SGK3: variants seen among roughly 807,000 people sequenced by gnomAD.
The protein encoded by SGK3 is serum/glucocorticoid regulated kinase family member 3, also known as serine/threonine-protein kinase Sgk3.
Under a neutral mutation model 68.5 loss-of-function variants are expected in SGK3, and 47 were observed. The observed-to-expected ratio is 0.69, with a 90% confidence interval of 0.54 to 0.87. SGK3 has a LOEUF of 0.87. Among genes scored for constraint, SGK3 ranks in the 40% least tolerant of loss-of-function variants. SGK3 has a pLI of 0.00. For missense variants in SGK3, 479 were observed against 575.5 expected (o/e 0.83, Z 1.72); for synonymous variants, 181 against 189.1 (o/e 0.96, Z 0.35).
chr8:66,836,610 G>GT (rs943277505), intron 10 of SGK3, among the ~76,000 whole-genome samples: 1 of 150,410 alleles, frequency 6.6e-6, no homozygotes, highest in Non-Finnish European at 1.5e-5. Flanking sequence ...TGCAGCCTGG[G>GT]TAACAGAACG....
Position 66,850,860 on chromosome 8 carries a change from A to C in SGK3, c.1260A>C (p.Glu420Asp). The change falls in exon 16 of 17, where the codon GAA becomes GAC. Residue 420 changes from glutamate to aspartate, a missense_variant. This residue lies in a region of SGK3 where 173 missense variants were observed against 214.3 expected (regional missense o/e 0.81). Coordinates refer to ENST00000521198, the MANE Select transcript of SGK3 (RefSeq NM_001033578.3). Reference sequence around the variant, plus strand: ...AAATTCAGAATCATCCTTTTTTTGAATCACTCAGCTGGGCTGACCTTGTAC... The same window carrying C: ...AAATTCAGAATCATCCTTTTTTTGACTCACTCAGCTGGGCTGACCTTGTAC... ...FLEIQNHPFF[E>D]SLSWADLVQK... 1 of 1,610,052 alleles carries C rather than the reference A, an allele frequency of 6.2e-7. No individual in the cohort carries two copies. Among genetic ancestry groups the C allele is most frequent in the Non-Finnish European group, 8.5e-7 (1 of 1,178,042 alleles).
At chr8:66,745,937 C>T (rs1805643176) in intron 1 of SGK3, among the ~76,000 whole-genome samples, 1 of 152,176 alleles carries the variant, frequency 6.6e-6, no homozygotes, top group Non-Finnish European at 1.5e-5. Context: ...AAAGAGCCCA[C>T]CTCCCAACAC....
At chr8:66,734,228 C>CTTTTTTTTTTTTTTTTTTTTTTATT (rs529741200) in intron 1 of SGK3, among the ~76,000 whole-genome samples, 1 of 104,234 alleles carries the variant, frequency 9.6e-6, no homozygotes. Flanking sequence ...CTTTTTCTTT[C>CTTTTTTTTTTTTTTTTTTTTTTATT]TTTTTTTTTT....
intron 16 of SGK3, among the ~76,000 whole-genome samples, chr8:66,858,364 G>C (rs1431477386): frequency 6.6e-6 from 1 of 152,002 alleles, no homozygotes; most frequent in Non-Finnish European, 1.5e-5. Context: ...TACTCGGGAG[G>C]CTGAGGCAGG....
intron 6 of SGK3, among the ~76,000 whole-genome samples, chr8:66,826,636 C>CTTTATTTTATTTTATTTTAT (rs567720764): frequency 0.017 from 2,610 of 151,858 alleles, 80 homozygotes; most frequent in African/African-American, 0.06. Flanking sequence ...TGAGAAACTT[C>CTTTATTTTATTTTATTTTAT]TTTATTTTAT....
At chr8:66,838,143 G>A (rs1334693223) in intron 10 of SGK3, among the ~76,000 whole-genome samples, 1 of 152,132 alleles carries the variant, frequency 6.6e-6, no homozygotes, top group Non-Finnish European at 1.5e-5. Flanking sequence ...TCAGCTCACT[G>A]CAACCTCCAA....
intron 1 of SGK3, among the ~76,000 whole-genome samples, chr8:66,762,581 CTTTTTA>C (rs1366464697): frequency 6.6e-6 from 1 of 151,974 alleles, no homozygotes; most frequent in Non-Finnish European, 1.5e-5. Flanking sequence ...TGATTTTTTT[CTTTTTA>C]TTTTTATGAT....
chr8:66,809,958 C>T (rs942364800), intron 4 of SGK3, among the ~76,000 whole-genome samples: 2 of 152,126 alleles, frequency 1.3e-5, no homozygotes, highest in Non-Finnish European at 2.9e-5. Context: ...GTGAGGGATC[C>T]AAGAGCGCTA....
At chr8:66,732,488 C>CAA (rs778231884) in intron 1 of SGK3, among the ~76,000 whole-genome samples, 11 of 93,462 alleles carry the variant, frequency 1.2e-4, no homozygotes, top group South Asian at 9.6e-4. Context: ...ACTCTGTCTC[C>CAA]AAAAAAAAAA....
In SGK3 at chr8:66,861,991, A is replaced by C. The variant is rs1445248033; in HGVS notation, c.*2410A>C. On this transcript the variant is annotated 3_prime_UTR_variant, in exon 17 of 17. Coordinates refer to ENST00000521198, the MANE Select transcript of SGK3 (RefSeq NM_001033578.3). ...CTCAGATCACAAGAAATACAAATCTATATAGTATAATAAAATCAGCAAAAA... is the reference window on the plus strand; with the variant it reads ...CTCAGATCACAAGAAATACAAATCTCTATAGTATAATAAAATCAGCAAAAA... The C allele has an allele frequency of 6.6e-6, 1 of 152,192 alleles. No individual in the cohort carries two copies. Among genetic ancestry groups the C allele is most frequent in the Non-Finnish European group, 1.5e-5 (1 of 68,030 alleles). The allele number at this position is 152,192 out of a possible 1,614,324, so 9.4% of individuals were successfully genotyped here.
rs879863862 is a variant in SGK3 at position 66,750,802 on chromosome 8, T to C, written c.-122+37969T>C. ...GGTGGATTTCTTGAGCCCAGGAGTTTGAGACCAACCTGGACAACATGGCAA... is the reference window on the plus strand; with the variant it reads ...GGTGGATTTCTTGAGCCCAGGAGTTCGAGACCAACCTGGACAACATGGCAA... On this transcript the variant is annotated intron_variant, in intron 1 of 16. Transcript: ENST00000521198. Among the ~76,000 whole-genome samples the C allele has an allele frequency of 2.8e-3, 410 of 148,862 alleles. 1 individual carries two copies. Among genetic ancestry groups the C allele is most frequent in the Middle Eastern group, 0.011 (3 of 268 alleles).
At chr8:66,813,538 G>A in intron 4 of SGK3, among the ~76,000 whole-genome samples, 1 of 151,782 alleles carries the variant, frequency 6.6e-6, no homozygotes, top group Admixed American at 6.6e-5. Flanking sequence ...ACAAAGCAAT[G>A]TGCTTCTCCA....
At chr8:66,735,005 T>C (rs1805277722) in intron 1 of SGK3, among the ~76,000 whole-genome samples, 1 of 152,106 alleles carries the variant, frequency 6.6e-6, no homozygotes, top group Admixed American at 6.5e-5. Flanking sequence ...GAGACCACAT[T>C]CACATAACTT....
At chr8:66,817,462 C>CCTG (rs1321403653) in intron 5 of SGK3, among the ~76,000 whole-genome samples, 1 of 151,596 alleles carries the variant, frequency 6.6e-6, no homozygotes, top group Non-Finnish European at 1.5e-5. Context: ...CGGAGTTTCA[C>CCTG]CTGCCTCAGC....
intron 15 of SGK3, among the ~76,000 whole-genome samples, chr8:66,848,918 A>G (rs1165085472): frequency 1.3e-5 from 2 of 152,082 alleles, no homozygotes; most frequent in Admixed American, 6.6e-5. Context: ...CTTTTCCTCA[A>G]CTTATGCCGC....
At chr8:66,856,169 G>A (rs886694042) in intron 16 of SGK3, among the ~76,000 whole-genome samples, 2 of 151,946 alleles carry the variant, frequency 1.3e-5, no homozygotes, top group African/African-American at 4.8e-5. Context: ...CCGGGTTCAA[G>A]TGATTCTCCT....
chr8:66,724,063 A>G (rs1804902655), intron 1 of SGK3, among the ~76,000 whole-genome samples: 1 of 152,178 alleles, frequency 6.6e-6, no homozygotes, highest in African/African-American at 2.4e-5. Context: ...TTTTGCTAAC[A>G]TTAACATAAT....
At chr8:66,781,048 C>T (rs1160730828) in intron 1 of SGK3, among the ~76,000 whole-genome samples, 3 of 152,162 alleles carry the variant, frequency 2.0e-5, no homozygotes, top group Admixed American at 2.0e-4. Flanking sequence ...TGACCGCAGG[C>T]CCCATCCATC....
At chr8:66,743,279 T>C (rs1377563511) in intron 1 of SGK3, among the ~76,000 whole-genome samples, 1 of 152,232 alleles carries the variant, frequency 6.6e-6, no homozygotes, top group Non-Finnish European at 1.5e-5. Context: ...GGCACTTTTG[T>C]TGCACTTCTG....
Sources: allele counts gnomAD v4.1 joint callset (sites outside exome capture counted in the v4.1 genomes callset), GRCh38; gene constraint gnomAD v4.1.1; regional missense constraint gnomAD v4.1.1; transcripts MANE v1.5; gene names NCBI Gene and HGNC (gene_info 2026-07-23, HGNC 2026-07-21).